CCNK: variants seen among roughly 807,000 people sequenced by gnomAD.
The protein encoded by CCNK is cyclin-K.
Under a neutral mutation model 65.0 loss-of-function variants are expected in CCNK, and 9 were observed. That is an observed-to-expected ratio of 0.14 (90% CI 0.08 to 0.24). The LOEUF is 0.24. Among genes scored for constraint, CCNK ranks in the 10% least tolerant of loss-of-function variants. The probability of loss-of-function intolerance (pLI) is 1.00; values close to 1 mark genes in which losing one functional copy is unlikely to be tolerated. For synonymous variants in CCNK, 279 were observed against 270.8 expected (o/e 1.03, Z -0.30); for missense variants, 474 against 720.0 (o/e 0.66, Z 3.91).
chr14:99,507,296 G>T (rs980536659), intron 10 of CCNK, 149 bp downstream of exon 10: 26 of 689,802 alleles, frequency 3.8e-5, no homozygotes, highest in Non-Finnish European at 5.8e-5. Flanking sequence ...TTGTTCTTGG[G>T]CTGGGCACAA....
chr14:99,510,426 C>T lies in CCNK; in HGVS notation c.1387C>T (p.Pro463Ser). The change falls in exon 11 of 11, where the codon CCC becomes TCC. Residue 463 changes from proline to serine, a missense_variant. By Grantham distance (74) the Pro-to-Ser change is moderately conservative (BLOSUM62 -1). Coordinates refer to ENST00000389879, the MANE Select transcript of CCNK (RefSeq NM_001099402.2). ...GGGACCCTCCTACGGTGCCCTGCCC[C>T]CCGCCTACGGCCCACCTGCACACCT... is the stretch of plus-strand genomic sequence containing the variant. ...TEGPSYGALP[P>S]AYGPPAHLPY... 1 of 1,548,210 alleles carries T rather than the reference C, an allele frequency of 6.5e-7. No homozygotes were observed. The highest frequency in any genetic ancestry group is 1.4e-5 in the African/African-American group (1 of 72,478).
chr14:99,503,282 T>C (rs1335808984), intron 8 of CCNK: 3 of 621,152 alleles, frequency 4.8e-6, no homozygotes, highest in African/African-American at 1.8e-5. Context: ...AGTGTCGTTG[T>C]GCATGCTGCT....
chr14:99,500,684 TAGAC>T lies in CCNK; in HGVS notation c.412-79_412-76del, dbSNP rs1245021117. ...AAATATAACTTGAAGAGAGAATAAA[TAGAC>T]AGGAAAGCTCACTTTTGTAATGCTG... On this transcript the variant is annotated intron_variant, in intron 4 of 10. Transcript: ENST00000389879. 5 of 890,084 alleles carry T rather than the reference TAGAC, an allele frequency of 5.6e-6. No individual in the cohort carries two copies. In the African/African-American group the frequency reaches 8.3e-5, roughly 15 times the overall value. The allele number at this position is 890,084 out of a possible 1,614,324, so 55.1% of individuals were successfully genotyped here.
intron 1 of CCNK, among the ~76,000 whole-genome samples, chr14:99,488,289 A>C (rs998986850): frequency 2.0e-5 from 3 of 152,084 alleles, no homozygotes; most frequent in African/African-American, 7.2e-5. Flanking sequence ...AAAAAAAAAA[A>C]AAAGCAGGAT....
rs533605236 is a variant in CCNK, at chr14:99,488,772, A to G, written c.-52-3854A>G. 9.9e-5 allele frequency among the ~76,000 whole-genome samples: 15 copies of G among 152,284 alleles called. No homozygotes were observed. The East Asian group carries it at 2.1e-3, about 22-fold the overall frequency. On this transcript the variant is annotated intron_variant, in intron 1 of 10. Coordinates refer to ENST00000389879, the MANE Select transcript of CCNK (RefSeq NM_001099402.2). ...CAGTAGTTATCAGTGCTAGCAAAGT[A>G]TTATTCTCTATATGTATTAATATTA...
At chr14:99,481,744 G>T (rs1289583032) in intron 1 of CCNK, 2 of 361,210 alleles carry the variant, frequency 5.5e-6, no homozygotes, top group Non-Finnish European at 9.8e-6. Flanking sequence ...CTGGGGGGCA[G>T]TCAGAGTTGG....
At chr14:99,504,047 A>G (rs2139875120) in intron 9 of CCNK, 1 of 369,910 alleles carries the variant, frequency 2.7e-6, no homozygotes, top group South Asian at 2.0e-5. Context: ...GGACAGCACC[A>G]GCCCGGCCCA....
chr14:99,504,134 G>GTT (rs1896912864), intron 9 of CCNK: 2 of 310,590 alleles, frequency 6.4e-6, no homozygotes. Flanking sequence ...AGAACCCAAA[G>GTT]TTAGTTCATG....
rs1896682567 is a variant in CCNK, at chr14:99,495,516, C to T, written c.298C>T (p.Leu100Phe). ...CTTTTAGGTGACAGGAGCCTGTTGC[C>T]TCTTTCTGGCTGGGAAAGTAGAAGA... is the stretch of plus-strand genomic sequence containing the variant. ...FPRYVTGACC[L>F]FLAGKVEETP... Residue 100 changes from leucine (L) to phenylalanine (F), a missense_variant, in exon 4 of 11, where the codon CTC (leucine) becomes TTC (phenylalanine). By Grantham distance (22) the Leu-to-Phe change is conservative. This residue lies in a region of CCNK where 87 missense variants were observed against 166.2 expected (regional missense o/e 0.52). Transcript: ENST00000389879. 2 of 1,611,410 alleles carry T rather than the reference C, an allele frequency of 1.2e-6. No homozygotes were observed.
chr14:99,492,516 A>G (rs1212216639), intron 1 of CCNK, 110 bp from the exon 2 acceptor site: 3 of 609,978 alleles, frequency 4.9e-6, no homozygotes, highest in Admixed American at 3.6e-5. Context: ...GGCAATTGAC[A>G]GTGTGGTTTC....
At chr14:99,500,071 A>C (rs1424544905) in intron 4 of CCNK, 1 of 152,264 alleles carries the variant, frequency 6.6e-6, no homozygotes, top group Non-Finnish European at 1.5e-5. Flanking sequence ...CCAGGAGTAG[A>C]CAGGCAGATC....
Position 99,502,255 on chromosome 14 carries a change from A to C in CCNK, c.624A>C (p.Val208=). Residue 208 remains valine, a synonymous_variant, in exon 7 of 11, where the codon GTA becomes GTC. Coordinates refer to ENST00000389879, the MANE Select transcript of CCNK (RefSeq NM_001099402.2). ...SLQWEPEIIA[V]AVMYLAGRLC... Reference sequence around the variant, plus strand: ...AGTGGGAACCAGAGATCATAGCAGTAGCAGTGATGTATCTCGCAGGACGTT... The same window carrying C: ...AGTGGGAACCAGAGATCATAGCAGTCGCAGTGATGTATCTCGCAGGACGTT... The C allele has an allele frequency of 6.2e-7, 1 of 1,606,686 alleles. No homozygotes were observed. The highest frequency in any genetic ancestry group is 2.2e-5 in the East Asian group (1 of 44,736).
At chr14:99,493,780 C>T (rs773237194) in intron 3 of CCNK, among the ~76,000 whole-genome samples, 185 bp downstream of exon 3, 6 of 152,128 alleles carry the variant, frequency 3.9e-5, no homozygotes, top group African/African-American at 7.2e-5. Context: ...ATGTTCAAAT[C>T]TTTTCACTTA....
intron 4 of CCNK, among the ~76,000 whole-genome samples, chr14:99,496,878 A>G (rs1359565279): frequency 4.0e-5 from 6 of 149,724 alleles, no homozygotes; most frequent in South Asian, 2.1e-4. Context: ...GCGCTACTGC[A>G]CTCCAGCCAG....
At chr14:99,505,769 A>C (rs1295737790) in intron 9 of CCNK, 3 of 152,226 alleles carry the variant, frequency 2.0e-5, no homozygotes, top group Non-Finnish European at 4.4e-5. Flanking sequence ...AGGCAGCAAG[A>C]TCACTTGAGC....
At chr14:99,507,177 C>G in intron 10 of CCNK, 30 bp downstream of exon 10, 1 of 1,325,268 alleles carries the variant, frequency 7.5e-7, no homozygotes, top group South Asian at 1.2e-5. Context: ...GCTTGGCCAG[C>G]TGTGCACATC....
At chr14:99,483,510 A>T (rs750530550) in intron 1 of CCNK, among the ~76,000 whole-genome samples, 1 of 152,250 alleles carries the variant, frequency 6.6e-6, no homozygotes. Context: ...TGATCGGGTG[A>T]CTGCGCTCCA....
At position 99,502,973 on chromosome 14, in the gene CCNK, A is replaced by C. The variant is rs200503921; in HGVS notation, c.1000A>C (p.Lys334Gln). The C allele has an allele frequency of 2.1e-4, 337 of 1,613,976 alleles. No homozygotes were observed. The highest frequency in any genetic ancestry group is 2.5e-4 in the Non-Finnish European group (296 of 1,179,888). Reference protein sequence around the residue: ...SPQPSSPRQVKRAVVVSPKEE... With the variant: ...SPQPSSPRQVQRAVVVSPKEE... ...GCAGCCCAGTTCTCCCCGACAGGTT[A>C]AGCGAGCCGTGGTGAGTGGGCTAAA... The change falls in exon 8 of 11, where the codon AAG (lysine) becomes CAG (glutamine). Residue 334 changes from lysine (K) to glutamine (Q), a missense_variant. Transcript: ENST00000389879.
rs1897128648 is a variant in CCNK at position 99,511,433 on chromosome 14, G to GT, written c.*652dup. On this transcript the variant is annotated 3_prime_UTR_variant, in exon 11 of 11. Transcript: ENST00000389879. Reference sequence around the variant, plus strand: ...AGAGATATATTTTTTAAGTGTGAATGTAACAACATACTGTGAATTCCATCT... The same window carrying GT: ...AGAGATATATTTTTTAAGTGTGAATGTTAACAACATACTGTGAATTCCATCT... 6.6e-6 allele frequency: 1 copy of GT among 152,416 alleles called. No individual in the cohort carries two copies. Among genetic ancestry groups the GT allele is most frequent in the African/African-American group, 2.4e-5 (1 of 41,422 alleles). The allele number at this position is 152,416 out of a possible 1,614,324, so 9.4% of individuals were successfully genotyped here.
Sources: gnomAD v4.1 joint callset for allele counts (sites outside exome capture counted in the v4.1 genomes callset) on GRCh38, gnomAD v4.1.1 for gene constraint, gnomAD v4.1.1 regional missense constraint, MANE v1.5 for transcripts, NCBI Gene and HGNC (gene_info 2026-07-23, HGNC 2026-07-21) for gene names.